Variants in MAP2 observed in about 807,000 individuals in gnomAD.
The protein encoded by MAP2 is microtubule associated protein 2.
A neutral mutation model predicts 137.6 loss-of-function variants in MAP2; 14 were observed. The ratio of observed to expected loss-of-function variants is 0.10; its 90% CI spans 0.07 to 0.16. The LOEUF is 0.16. Ranked by LOEUF, MAP2 falls within the 10% of genes least tolerant of loss-of-function variation. The probability of loss-of-function intolerance (pLI) is 1.00; values close to 1 mark genes in which losing one functional copy is unlikely to be tolerated. For synonymous variants in MAP2, 786 were observed against 782.3 expected (o/e 1.00, Z -0.08); for missense variants, 2,088 against 2,191.5 (o/e 0.95, Z 0.94).
At chr2:209,709,765 T>A (rs949541611) in intron 12 of MAP2, 149 bp from the exon 13 acceptor site, 1 of 577,036 alleles carries the variant, frequency 1.7e-6, no homozygotes, top group African/African-American at 1.9e-5. Flanking sequence ...GAAACGAGAC[T>A]CTCAGCTTCT....
At chr2:209,444,236 T>G (rs1698504206) in intron 1 of MAP2, among the ~76,000 whole-genome samples, 1 of 151,586 alleles carries the variant, frequency 6.6e-6, no homozygotes, top group African/African-American at 2.4e-5. Context: ...CCCCCATCTT[T>G]AATTCTTTCT....
rs547073359 is a variant in MAP2 at position 209,656,200 on chromosome 2, TG to T, written c.262+2770del. ...GCACTGACACCAGAGGGTGGGAGAG[TG>T]GAGAATATTAGAAGGCAATAATAAT... is the stretch of plus-strand genomic sequence containing the variant. On this transcript the variant is annotated intron_variant, in intron 5 of 15. Transcript: ENST00000682079. Among the ~76,000 whole-genome samples, 801 of 151,482 alleles carry T rather than the reference TG, an allele frequency of 5.3e-3. 13 individuals carry two copies. The highest frequency in any genetic ancestry group is 0.018 in the African/African-American group (749 of 41,288).
intron 2 of MAP2, among the ~76,000 whole-genome samples, chr2:209,512,385 T>G (rs17317114): frequency 0.058 from 8,774 of 151,990 alleles, 287 homozygotes; most frequent in South Asian, 0.092. Flanking sequence ...GTTCCATTGA[T>G]CCTTGAAAAC....
At chr2:209,566,602 T>C (rs2073462619) in intron 2 of MAP2, among the ~76,000 whole-genome samples, 1 of 152,186 alleles carries the variant, frequency 6.6e-6, no homozygotes, top group Admixed American at 6.5e-5. Context: ...CTAACACACA[T>C]CATCAGTTTT....
chr2:209,603,333 C>T (rs1219256471), intron 3 of MAP2, among the ~76,000 whole-genome samples: 1 of 152,136 alleles, frequency 6.6e-6, no homozygotes, highest in African/African-American at 2.4e-5. Flanking sequence ...CCATGACACT[C>T]ACTGATAATC....
At chr2:209,634,706 C>T (rs1428595748) in intron 4 of MAP2, among the ~76,000 whole-genome samples, 2 of 152,058 alleles carry the variant, frequency 1.3e-5, no homozygotes, top group African/African-American at 4.8e-5. Flanking sequence ...GGAAAATCTG[C>T]CTACAAATTA....
chr2:209,722,873 A>G (rs1201975778), intron 13 of MAP2, among the ~76,000 whole-genome samples: 3 of 152,202 alleles, frequency 2.0e-5, no homozygotes, highest in South Asian at 2.1e-4. Context: ...CAGCTAACCA[A>G]TGGGCATGGG....
At chr2:209,540,414 A>G (rs1212566642) in intron 2 of MAP2, among the ~76,000 whole-genome samples, 2 of 151,724 alleles carry the variant, frequency 1.3e-5, no homozygotes, top group Admixed American at 6.6e-5. Flanking sequence ...CAGGCGGACC[A>G]TGAGGTCAGA....
At chr2:209,609,280 C>G (rs1411852872) in intron 3 of MAP2, among the ~76,000 whole-genome samples, 2 of 151,934 alleles carry the variant, frequency 1.3e-5, no homozygotes, top group East Asian at 3.9e-4. Flanking sequence ...ATTTTTCTAT[C>G]AAAATCATGA....
At chr2:209,466,293 C>T (rs1704108351) in intron 1 of MAP2, among the ~76,000 whole-genome samples, 1 of 152,134 alleles carries the variant, frequency 6.6e-6, no homozygotes, top group East Asian at 1.9e-4. Flanking sequence ...ATACACTTGC[C>T]ATATTCCTTC....
At chr2:209,618,618 A>T (rs189122342) in intron 3 of MAP2, among the ~76,000 whole-genome samples, 1 of 152,290 alleles carries the variant, frequency 6.6e-6, no homozygotes, top group East Asian at 1.9e-4. Flanking sequence ...GGCTGTTATC[A>T]AAAAGACAAT....
chr2:209,715,938 T>C (rs889654540), intron 13 of MAP2, among the ~76,000 whole-genome samples: 1 of 152,218 alleles, frequency 6.6e-6, no homozygotes, highest in Non-Finnish European at 1.5e-5. Context: ...CCTCTCACTT[T>C]CTCTCATCCC....
At chr2:209,716,789 A>G (rs1413619766) in intron 13 of MAP2, among the ~76,000 whole-genome samples, 1 of 152,188 alleles carries the variant, frequency 6.6e-6, no homozygotes, top group Admixed American at 6.5e-5. Context: ...TTGTTTTTGT[A>G]TATAGCACCA....
At chr2:209,637,335 T>C (rs1352570945) in intron 4 of MAP2, among the ~76,000 whole-genome samples, 3 of 151,890 alleles carry the variant, frequency 2.0e-5, no homozygotes, top group Non-Finnish European at 4.4e-5. Context: ...ACCAGCTACT[T>C]GGGAGGCTGA....
chr2:209,639,618 G>C (rs761398675), intron 4 of MAP2, among the ~76,000 whole-genome samples: 2 of 151,962 alleles, frequency 1.3e-5, no homozygotes, highest in Non-Finnish European at 2.9e-5. Flanking sequence ...TCTTTCATGG[G>C]CATCCATGGC....
intron 1 of MAP2, among the ~76,000 whole-genome samples, chr2:209,473,382 T>C (rs1009786909): frequency 5.9e-5 from 9 of 152,136 alleles, no homozygotes; most frequent in Non-Finnish European, 2.9e-5. Flanking sequence ...TATTTTAATA[T>C]AGATTAATTA....
At chr2:209,700,207 G>C (rs2061413719) in intron 10 of MAP2, 70 bp from the exon 11 acceptor site, 9 of 1,227,878 alleles carry the variant, frequency 7.3e-6, no homozygotes, top group Admixed American at 5.2e-5. Flanking sequence ...ATATCCTACA[G>C]GTATTTAAAA....
intron 2 of MAP2, among the ~76,000 whole-genome samples, chr2:209,568,034 TTGA>T (rs2073794627): frequency 6.8e-6 from 1 of 146,276 alleles, no homozygotes; most frequent in African/African-American, 2.8e-5. Context: ...GTAGATGTAC[TTGA>T]ATACATTCTA....
At chr2:209,604,686 G>T (rs1003420160) in intron 3 of MAP2, among the ~76,000 whole-genome samples, 1 of 152,120 alleles carries the variant, frequency 6.6e-6, no homozygotes, top group African/African-American at 2.4e-5. Flanking sequence ...CAAACCCTGC[G>T]CACATGCTTT....
Sources: allele counts gnomAD v4.1 joint callset (sites outside exome capture counted in the v4.1 genomes callset), GRCh38; gene constraint gnomAD v4.1.1; transcripts MANE v1.5; gene names NCBI Gene and HGNC (gene_info 2026-07-23, HGNC 2026-07-21).